BABAM2: variants seen among roughly 807,000 people sequenced by gnomAD.
BABAM2 encodes the protein BRISC and BRCA1 A complex member 2.
In BABAM2, 31 loss-of-function variants were observed where a neutral mutation model predicts 54.7. The ratio of observed to expected loss-of-function variants is 0.57; its 90% CI spans 0.43 to 0.77. BABAM2 has a LOEUF of 0.77. Ranked by LOEUF, BABAM2 falls within the 30% of genes least tolerant of loss-of-function variation. The pLI is 0.00. For synonymous variants in BABAM2, 167 were observed against 162.9 expected (o/e 1.03, Z -0.19); for missense variants, 364 against 455.8 (o/e 0.80, Z 1.83).
intron 6 of BABAM2, among the ~76,000 whole-genome samples, chr2:28,072,542 C>T (rs529240058): frequency 2.9e-4 from 44 of 152,182 alleles, no homozygotes; most frequent in African/African-American, 9.4e-4. Flanking sequence ...CCCACCACCA[C>T]GCCTGGCTAA....
intron 10 of BABAM2, among the ~76,000 whole-genome samples, chr2:28,286,308 C>T (rs562229052): frequency 6.6e-6 from 1 of 152,200 alleles, no homozygotes; most frequent in South Asian, 2.1e-4. Flanking sequence ...GAGGATTGTA[C>T]CATGCTGGGG....
chr2:28,012,125 T>G (rs183224295), intron 4 of BABAM2, among the ~76,000 whole-genome samples: 2 of 152,196 alleles, frequency 1.3e-5, no homozygotes, highest in Non-Finnish European at 2.9e-5. Flanking sequence ...TAAAATAAGC[T>G]CACACTGTTG....
chr2:28,314,036 C>G (rs1689301931), intron 11 of BABAM2, among the ~76,000 whole-genome samples: 1 of 152,068 alleles, frequency 6.6e-6, no homozygotes, highest in Non-Finnish European at 1.5e-5. Context: ...TGTCATTATT[C>G]CAGGTATCCA....
chr2:28,038,016 C>T (rs1367117714), intron 5 of BABAM2, among the ~76,000 whole-genome samples: 2 of 152,044 alleles, frequency 1.3e-5, no homozygotes, highest in Non-Finnish European at 1.5e-5. Context: ...AACACATTTC[C>T]AAATATGGTG....
rs1055210968 is a variant in BABAM2 at position 28,129,295 on chromosome 2, G to T, written c.595G>T (p.Asp199Tyr). The change falls in exon 7 of 12, where the codon GAT becomes TAT. Residue 199 changes from aspartate to tyrosine, a missense_variant. Transcript: ENST00000379624. ...GGATGTAAATGAAGACCCTGGAGAAGATGTGGCCCTCCTCTCTGTTAGTTT... is the reference window on the plus strand; with the variant it reads ...GGATGTAAATGAAGACCCTGGAGAATATGTGGCCCTCCTCTCTGTTAGTTT... ...LKDVNEDPGE[D>Y]VALLSVSFED... 1.9e-6 allele frequency: 3 copies of T among 1,614,040 alleles called. No homozygotes were observed. In the Admixed American group the frequency reaches 5.0e-5, roughly 27 times the overall value.
At chr2:28,231,167 T>C (rs2148040261) in intron 7 of BABAM2, among the ~76,000 whole-genome samples, 1 of 152,274 alleles carries the variant, frequency 6.6e-6, no homozygotes, top group East Asian at 1.9e-4. Flanking sequence ...CACGGCAGGG[T>C]TGTTGTGAGG....
intron 6 of BABAM2, among the ~76,000 whole-genome samples, chr2:28,061,523 T>C (rs1350584713): frequency 1.4e-5 from 2 of 146,940 alleles, no homozygotes; most frequent in Non-Finnish European, 3.0e-5. Context: ...AGGCGGAGCT[T>C]GCACTGAGCT....
rs549145475 is a variant in BABAM2, at chr2:28,229,537, T to TCAGAGAACAGCTGATC, written c.681-7664_681-7649dup. Among the ~76,000 whole-genome samples, 991 of 152,262 alleles carry TCAGAGAACAGCTGATC rather than the reference T, an allele frequency of 6.5e-3. 1 individual carries two copies. The highest frequency in any genetic ancestry group is 8.7e-3 in the Non-Finnish European group (593 of 68,014). ...CTCTTCTCATTTATACTGTGCCTCATCAGAGAACAGCTGATCAAAATTATC... is the reference window on the plus strand; with the variant it reads ...CTCTTCTCATTTATACTGTGCCTCATCAGAGAACAGCTGATCCAGAGAACAGCTGATCAAAATTATC... On this transcript the variant is annotated intron_variant, in intron 7 of 11. Coordinates refer to ENST00000379624, the MANE Select transcript of BABAM2 (RefSeq NM_199191.3).
chr2:28,187,977 T>G (rs1676502017), intron 7 of BABAM2, among the ~76,000 whole-genome samples: 1 of 152,124 alleles, frequency 6.6e-6, no homozygotes, highest in Non-Finnish European at 1.5e-5. Flanking sequence ...CTGGAATTAT[T>G]TTTTAAAGAT....
intron 7 of BABAM2, among the ~76,000 whole-genome samples, chr2:28,227,317 G>A (rs1460091089): frequency 6.6e-6 from 1 of 152,136 alleles, no homozygotes; most frequent in African/African-American, 2.4e-5. Context: ...TGGGCAGCCT[G>A]AAATATGAAA....
chr2:27,978,562 A>C (rs531460971), intron 3 of BABAM2, among the ~76,000 whole-genome samples: 50 of 152,322 alleles, frequency 3.3e-4, no homozygotes, highest in African/African-American at 1.2e-3. Context: ...TTCAGTCAGT[A>C]ATCATTTAAT....
At chr2:28,165,073 T>G (rs1195811880) in intron 7 of BABAM2, among the ~76,000 whole-genome samples, 2 of 152,248 alleles carry the variant, frequency 1.3e-5, no homozygotes, top group Admixed American at 1.3e-4. Context: ...CAGGTACGGT[T>G]CTGGGTGCAG....
At chr2:27,944,633 A>G (rs1669164648) in intron 3 of BABAM2, among the ~76,000 whole-genome samples, 1 of 152,112 alleles carries the variant, frequency 6.6e-6, no homozygotes, top group South Asian at 2.1e-4. Flanking sequence ...CCATTGAAGG[A>G]CATTCGGATT....
chr2:28,290,678 G>A (rs1303771591), intron 10 of BABAM2, among the ~76,000 whole-genome samples: 3 of 152,196 alleles, frequency 2.0e-5, no homozygotes, highest in African/African-American at 4.8e-5. Flanking sequence ...CTGGGGAGGC[G>A]AATTAAAATC....
At chr2:27,915,064 A>G (rs1484452890) in intron 2 of BABAM2, among the ~76,000 whole-genome samples, 1 of 151,978 alleles carries the variant, frequency 6.6e-6, no homozygotes, top group African/African-American at 2.4e-5. Context: ...GATGGGCTCC[A>G]TTAGATTTGC....
chr2:28,174,393 G>A (rs77049151), intron 7 of BABAM2, among the ~76,000 whole-genome samples: 2,975 of 152,298 alleles, frequency 0.02, 99 homozygotes, highest in African/African-American at 0.066. Context: ...CTGACTAGAC[G>A]CATCCGGCAC....
chr2:28,057,871 C>T (rs994100193), intron 6 of BABAM2, among the ~76,000 whole-genome samples: 4 of 152,006 alleles, frequency 2.6e-5, no homozygotes, highest in Admixed American at 6.6e-5. Context: ...AGGCCAGGCA[C>T]GGTGGCTCAC....
At chr2:28,226,063 A>G (rs1478769157) in intron 7 of BABAM2, among the ~76,000 whole-genome samples, 2 of 152,248 alleles carry the variant, frequency 1.3e-5, no homozygotes, top group Non-Finnish European at 2.9e-5. Flanking sequence ...ATATTTAAAT[A>G]ATAATGTTTC....
chr2:28,275,437 C>T (rs1331355640), intron 10 of BABAM2, among the ~76,000 whole-genome samples: 1 of 152,144 alleles, frequency 6.6e-6, no homozygotes, highest in African/African-American at 2.4e-5. Context: ...TCCATTGTAC[C>T]TATTGCCTAA....
Sources: allele counts gnomAD v4.1 joint callset (sites outside exome capture counted in the v4.1 genomes callset), GRCh38; gene constraint gnomAD v4.1.1; transcripts MANE v1.5; gene names NCBI Gene and HGNC (gene_info 2026-07-23, HGNC 2026-07-21).